The following NRP2 variants were observed in gnomAD, a reference collection of about 807,000 sequenced individuals.
NRP2 encodes the protein neuropilin 2.
A neutral mutation model predicts 110.4 loss-of-function variants in NRP2; 52 were observed. The ratio of observed to expected loss-of-function variants is 0.47; its 90% confidence interval spans 0.38 to 0.59. The LOEUF (loss-of-function observed/expected upper bound fraction) is 0.59. Ranked by LOEUF, NRP2 falls within the 20% of genes least tolerant of loss-of-function variation. The probability of loss-of-function intolerance (pLI) is 0.00; values close to 1 mark genes in which losing one functional copy is unlikely to be tolerated. For missense variants in NRP2, 1,049 were observed against 1,203.0 expected, an observed-to-expected ratio of 0.87 and a Z score of 1.89; for synonymous variants, 508 against 468.9, an observed-to-expected ratio of 1.08 and a Z score of -1.08.
intron 9 of NRP2, 50 bp downstream of exon 9, chr2:205,743,602 A>G (rs1406268234): frequency 1.9e-6 from 3 of 1,603,428 alleles, no homozygotes; most frequent in Non-Finnish European, 2.6e-6. Context: ...CAGGGAGGCT[A>G]AGTGTGGTAC....
At chr2:205,722,292 G>C in intron 3 of NRP2, 186 bp from the exon 4 acceptor site, 1 of 639,304 alleles carries the variant, frequency 1.6e-6, no homozygotes, top group Non-Finnish European at 2.8e-6. Flanking sequence ...AGCCAGCTGT[G>C]CCTCCCTAAT....
chr2:205,725,880 G>A lies in NRP2; in HGVS notation c.821-33G>A, dbSNP rs1470225914. On this transcript the variant is annotated intron_variant, in intron 5 of 16. Coordinates refer to ENST00000357785, the MANE Select transcript of NRP2 (RefSeq NM_003872.3). This position sits in a 1 kb window ranked among gnomAD's most constrained non-coding sequence, Gnocchi z 4.1. ...GGATCCCGAGGTATGAGGTTGGAAG[G>A]CCTAACTGCATTTGACCGTCTGCTT... 1.2e-6 allele frequency: 2 copies of A among 1,612,718 alleles called. No homozygotes were observed. The highest frequency in any genetic ancestry group is 1.1e-5 in the South Asian group (1 of 91,008).
intron 1 of NRP2, among the ~76,000 whole-genome samples, chr2:205,691,006 C>T (rs1446121318): frequency 2.0e-5 from 3 of 151,938 alleles, no homozygotes; most frequent in East Asian, 1.9e-4. Flanking sequence ...TAGCTGTGGC[C>T]GCAGAATAAT....
At chr2:205,684,881 G>T (rs867403016) in intron 1 of NRP2, among the ~76,000 whole-genome samples, 38 of 152,350 alleles carry the variant, frequency 2.5e-4, no homozygotes, top group Admixed American at 9.1e-4. Flanking sequence ...GCACACGCGC[G>T]CGCGCCGTGA....
chr2:205,792,249 A>G lies in NRP2; in HGVS notation c.2440A>G (p.Ile814Val), dbSNP rs776076249. 6.9e-6 allele frequency: 11 copies of G among 1,595,546 alleles called. No homozygotes were observed. The highest frequency in any genetic ancestry group is 4.0e-5 in the African/African-American group (3 of 74,564). ...ISAFAVDIPEIHEREGYEDEI... is the reference protein window; with the variant it reads ...ISAFAVDIPEVHEREGYEDEI... ...TTATATTATAGTGGACATCCCAGAA[A>G]TACATGAGAGAGAAGGATATGAAGA... is the stretch of plus-strand genomic sequence containing the variant. Residue 814 changes from isoleucine to valine, a missense_variant, in exon 16 of 17, where the codon ATA (isoleucine) becomes GTA (valine). Transcript: ENST00000357785.
At chr2:205,774,485 A>C (rs921754530) in intron 15 of NRP2, among the ~76,000 whole-genome samples, 2 of 152,164 alleles carry the variant, frequency 1.3e-5, no homozygotes, top group Non-Finnish European at 1.5e-5. Context: ...TGTGGCTGTC[A>C]AGGTGTGTGC....
At chr2:205,778,282 A>G (rs2058130130) in intron 15 of NRP2, 1 of 149,844 alleles carries the variant, frequency 6.7e-6, no homozygotes, top group Non-Finnish European at 1.5e-5. Context: ...ATATCCAGAT[A>G]TGTCCCTTCA....
At chr2:205,722,883 GCTGTCTA>G (rs1461642491) in intron 4 of NRP2, among the ~76,000 whole-genome samples, 175 bp downstream of exon 4, 2 of 152,242 alleles carry the variant, frequency 1.3e-5, no homozygotes, top group Non-Finnish European at 2.9e-5. Context: ...TTACAGGAAG[GCTGTCTA>G]CTTTCTTGGA....
intron 1 of NRP2, among the ~76,000 whole-genome samples, chr2:205,683,650 A>G (rs1408855497): frequency 6.6e-6 from 1 of 152,208 alleles, no homozygotes; most frequent in Non-Finnish European, 1.5e-5. Context: ...TCAAAGGTTT[A>G]AAAATACTAC....
chr2:205,724,984 C>A (rs1241113314), intron 5 of NRP2, among the ~76,000 whole-genome samples: 1 of 152,104 alleles, frequency 6.6e-6, no homozygotes, highest in Non-Finnish European at 1.5e-5. Flanking sequence ...ACTTTAAAGA[C>A]TGAAGAAGCA....
intron 12 of NRP2, among the ~76,000 whole-genome samples, chr2:205,753,834 G>C (rs577591791): frequency 2.0e-5 from 3 of 152,326 alleles, no homozygotes; most frequent in Admixed American, 2.0e-4. Flanking sequence ...TGAGAAGTCA[G>C]TAAGAGAGCA....
intron 15 of NRP2, chr2:205,776,145 T>C (rs1484567124): frequency 8.5e-7 from 1 of 1,178,802 alleles, no homozygotes; most frequent in African/African-American, 1.5e-5. Context: ...CTTCCCTGTA[T>C]GTCCCAAAGC....
intron 10 of NRP2, among the ~76,000 whole-genome samples, chr2:205,748,130 C>T (rs1321737409): frequency 6.6e-6 from 1 of 152,092 alleles, no homozygotes; most frequent in Non-Finnish European, 1.5e-5. Flanking sequence ...CTCATTGGCC[C>T]CTGGGTTTAA....
intron 7 of NRP2, among the ~76,000 whole-genome samples, chr2:205,730,766 T>A (rs2057222339): frequency 6.6e-6 from 1 of 152,136 alleles, no homozygotes; most frequent in Admixed American, 6.5e-5. Flanking sequence ...GTGCTCAAGG[T>A]GGCGGGGGAG....
At chr2:205,777,103 G>A (rs2058112448) in intron 15 of NRP2, 1 of 988,194 alleles carries the variant, frequency 1.0e-6, no homozygotes, top group South Asian at 4.6e-5. Context: ...ATAATATACT[G>A]TACAAGTTTT....
At chr2:205,792,759 G>T (rs1433569163) in intron 16 of NRP2, among the ~76,000 whole-genome samples, 1 of 152,108 alleles carries the variant, frequency 6.6e-6, no homozygotes, top group Non-Finnish European at 1.5e-5. Context: ...CAAGATTTCG[G>T]TTTCTTTTTC....
chr2:205,775,501 C>A (rs959968031), intron 15 of NRP2, among the ~76,000 whole-genome samples: 11 of 152,172 alleles, frequency 7.2e-5, no homozygotes, highest in African/African-American at 2.4e-4. Flanking sequence ...TCATTTTGTG[C>A]CCACATTTTT....
At chr2:205,776,328 G>A (rs1474838846) in intron 15 of NRP2, 1 of 1,612,818 alleles carries the variant, frequency 6.2e-7, no homozygotes, top group Non-Finnish European at 8.5e-7. Context: ...ATTACGTAAT[G>A]GCCGCCGGGG....
At chr2:205,767,578 TAAAA>T in intron 15 of NRP2, 1 of 245,384 alleles carries the variant, frequency 4.1e-6, no homozygotes, top group Admixed American at 5.5e-5. Context: ...ATCCAGGTTA[TAAAA>T]AAAAAAAAAG....
Sources: gnomAD v4.1 joint callset for allele counts (sites outside exome capture counted in the v4.1 genomes callset) on GRCh38, gnomAD v4.1.1 for gene constraint, Gnocchi (gnomAD v3.1) non-coding constraint, MANE v1.5 for transcripts, NCBI Gene and HGNC (gene_info 2026-07-23, HGNC 2026-07-21) for gene names.